The following ACSM2B variants were observed in gnomAD, a reference collection of about 807,000 sequenced individuals.
ACSM2B encodes the protein acyl-CoA synthetase medium chain family member 2B, also known as acyl-coenzyme A synthetase ACSM2B, mitochondrial.
In ACSM2B, 58 loss-of-function variants were observed where a neutral mutation model predicts 78.6. That is an observed-to-expected ratio of 0.74 (90% CI 0.60 to 0.92). The LOEUF (loss-of-function observed/expected upper bound fraction) is 0.92. Among genes scored for constraint, ACSM2B ranks in the 40% least tolerant of loss-of-function variants. ACSM2B has a pLI of 0.00. For missense variants in ACSM2B, 688 were observed against 711.2 expected, an observed-to-expected ratio of 0.97 and a Z score of 0.37; for synonymous variants, 257 against 256.8, an observed-to-expected ratio of 1.00 and a Z score of -0.01.
intron 1 of ACSM2B, among the ~76,000 whole-genome samples, chr16:20,568,532 C>T (rs1327363174): frequency 2.0e-5 from 3 of 151,056 alleles, no homozygotes; most frequent in African/African-American, 7.3e-5. Context: ...TATAAACATG[C>T]ATGTGCAGTG....
chr16:20,555,799 G>A (rs1567212371), intron 3 of ACSM2B, among the ~76,000 whole-genome samples: 2 of 152,066 alleles, frequency 1.3e-5, no homozygotes, highest in Admixed American at 6.6e-5. Context: ...ACAGGAGTTC[G>A]CTGTATTCAA....
chr16:20,574,991 A>G, intron 1 of ACSM2B, among the ~76,000 whole-genome samples: 1 of 148,440 alleles, frequency 6.7e-6, no homozygotes, highest in Non-Finnish European at 1.5e-5. Context: ...TAGGGTCACT[A>G]AACTCCTTGC....
chr16:20,546,272 T>A, intron 9 of ACSM2B, 122 bp downstream of exon 9: 1 of 1,446,290 alleles, frequency 6.9e-7, no homozygotes. Flanking sequence ...GTCCCTTTTT[T>A]CTGATATTAT....
intron 3 of ACSM2B, among the ~76,000 whole-genome samples, chr16:20,556,898 A>G (rs1474713030): frequency 6.6e-6 from 1 of 151,904 alleles, no homozygotes; most frequent in Admixed American, 6.6e-5. Context: ...CTCTCTTTCC[A>G]CAGGCTTCCA....
intron 1 of ACSM2B, among the ~76,000 whole-genome samples, chr16:20,566,697 A>ACTATAT (rs1349354981): frequency 2.2e-4 from 1 of 4,478 alleles, no homozygotes; most frequent in South Asian, 0.022. Context: ...TACTATATAT[A>ACTATAT]GTATATATAT....
chr16:20,566,829 TTA>T (rs1281254582), intron 1 of ACSM2B, among the ~76,000 whole-genome samples: 3 of 116,942 alleles, frequency 2.6e-5, no homozygotes, highest in Non-Finnish European at 5.0e-5. Flanking sequence ...TTTATATCTT[TTA>T]TATATATACT....
At chr16:20,544,144 G>T (rs1206883684) in intron 10 of ACSM2B, among the ~76,000 whole-genome samples, 1 of 152,188 alleles carries the variant, frequency 6.6e-6, no homozygotes, top group African/African-American at 2.4e-5. Flanking sequence ...TGGCATTTGA[G>T]AATATAGTGG....
chr16:20,566,729 A>AC (rs1567218573), intron 1 of ACSM2B, among the ~76,000 whole-genome samples: 25 of 17,254 alleles, frequency 1.4e-3, no homozygotes, highest in African/African-American at 3.2e-3. Flanking sequence ...TATATACTAT[A>AC]TATAGTATAT....
At chr16:20,548,576 G>C (rs2015213901) in intron 6 of ACSM2B, 103 bp from the exon 7 acceptor site, 6 of 1,589,502 alleles carry the variant, frequency 3.8e-6, no homozygotes, top group Non-Finnish European at 5.1e-6. Context: ...GTAGAGGTCT[G>C]GATGAAAACC....
intron 2 of ACSM2B, 80 bp downstream of exon 2, chr16:20,564,589 C>A (rs1219343857): frequency 5.0e-5 from 75 of 1,493,862 alleles, no homozygotes; most frequent in Non-Finnish European, 6.6e-5. Flanking sequence ...AAGTACTTAA[C>A]AAATATTTAC....
intron 3 of ACSM2B, among the ~76,000 whole-genome samples, chr16:20,557,749 T>A (rs531668457): frequency 1.3e-5 from 2 of 152,214 alleles, no homozygotes; most frequent in Non-Finnish European, 2.9e-5. Flanking sequence ...TGGCCTGGAC[T>A]TCAGGCACAC....
intron 8 of ACSM2B, 106 bp downstream of exon 8, chr16:20,547,956 T>C (rs1198155814): frequency 1.1e-5 from 17 of 1,560,726 alleles, no homozygotes; most frequent in Non-Finnish European, 1.4e-5. Context: ...AATAAATATT[T>C]CTCAAATAAA....
intron 13 of ACSM2B, among the ~76,000 whole-genome samples, chr16:20,539,699 A>T (rs1007126256): frequency 4.6e-5 from 7 of 151,150 alleles, no homozygotes; most frequent in Admixed American, 4.6e-4. Context: ...TTAGCAATGG[A>T]CACATGGCCC....
chr16:20,545,510 G>A (rs1003921840), intron 9 of ACSM2B, among the ~76,000 whole-genome samples: 1 of 152,146 alleles, frequency 6.6e-6, no homozygotes, highest in Admixed American at 6.5e-5. Context: ...GGCTCTAGGA[G>A]CTCAGATAAA....
Position 20,540,781 on chromosome 16 carries a change from A to G in ACSM2B, c.1510-8T>C, listed in dbSNP as rs1596702543. The G allele has an allele frequency of 1.2e-6, 2 of 1,613,392 alleles. No individual in the cohort carries two copies. The highest frequency in any genetic ancestry group is 2.2e-5 in the East Asian group (1 of 44,814). ...CACAAATGCCTTCACCACCTGCAAA[A>G]TAGATGAAGGCCAAGAGATAAGGGA... On this transcript the variant is annotated splice_region_variant and splice_polypyrimidine_tract_variant and intron_variant, in intron 12 of 13. Transcript: ENST00000329697.
chr16:20,549,235 G>T (rs892960945), intron 6 of ACSM2B, among the ~76,000 whole-genome samples: 4 of 152,132 alleles, frequency 2.6e-5, no homozygotes, highest in African/African-American at 9.7e-5. Flanking sequence ...ATAGAGTATT[G>T]TCTTAATCTG....
Position 20,559,463 on chromosome 16 carries a change from C to T in ACSM2B, c.178-16G>A, listed in dbSNP as rs1469875372. On this transcript the variant is annotated splice_polypyrimidine_tract_variant and intron_variant, in intron 2 of 13. Coordinates refer to ENST00000329697, the MANE Select transcript of ACSM2B (RefSeq NM_001105069.2). ...GCTTGCCAGCCTGAGGAAAGAGAAA[C>T]CCTGTTGATTAGGGGGCATTGGTAC... 4 of 1,612,300 alleles carry T rather than the reference C, an allele frequency of 2.5e-6. No homozygotes were observed. The African/African-American group carries it at 4.0e-5, about 16-fold the overall frequency.
At chr16:20,560,113 C>T (rs146018827) in intron 2 of ACSM2B, among the ~76,000 whole-genome samples, 2 of 151,042 alleles carry the variant, frequency 1.3e-5, no homozygotes, top group Non-Finnish European at 2.9e-5. Context: ...ATCCATCTCC[C>T]GAAGTTTTTC....
In ACSM2B at chr16:20,537,314, G is replaced by A. The variant is rs373534792; in HGVS notation, c.1678C>T (p.Arg560Ter). 1.1e-4 allele frequency: 182 copies of A among 1,613,970 alleles called. 2 individuals carry two copies. Among genetic ancestry groups the A allele is most frequent in the South Asian group, 6.9e-4 (63 of 91,072 alleles). ...CACTCCTTGTCTCGAAGTTTGGTTCGTTGAATTTTCCCTGTGACAGTCTTG... is the reference window on the plus strand; with the variant it reads ...CACTCCTTGTCTCGAAGTTTGGTTCATTGAATTTTCCCTGTGACAGTCTTG... Reference protein sequence around the residue: ...LPKTVTGKIQRTKLRDKEWKM... With the variant: ...LPKTVTGKIQ The change falls in exon 14 of 14, where the codon CGA becomes TGA. Residue 560 changes from arginine (R) to a stop codon, truncating the protein, a stop_gained. Coordinates refer to ENST00000329697, the MANE Select transcript of ACSM2B (RefSeq NM_001105069.2). LOFTEE classifies it high-confidence loss of function.
Sources: allele counts gnomAD v4.1 joint callset (sites outside exome capture counted in the v4.1 genomes callset), GRCh38; gene constraint gnomAD v4.1.1; transcripts MANE v1.5; gene names NCBI Gene and HGNC (gene_info 2026-07-23, HGNC 2026-07-21).